The following THSD4 variants were observed in gnomAD, a reference collection of about 807,000 sequenced individuals.
THSD4 encodes the protein thrombospondin type 1 domain containing 4, also known as thrombospondin type-1 domain-containing protein 4.
In THSD4, 69 loss-of-function variants were observed where a neutral mutation model predicts 119.0. The observed-to-expected ratio is 0.58, with a 90% CI of 0.48 to 0.71. THSD4 has a LOEUF of 0.71. Among genes scored for constraint, THSD4 ranks in the 30% least tolerant of loss-of-function variants. The pLI is 0.00. For missense variants in THSD4, 1,393 were observed against 1,391.1 expected (o/e 1.00, Z -0.02); for synonymous variants, 524 against 540.4 (o/e 0.97, Z 0.42).
At chr15:71,507,908 ATCT>A (rs1185877657) in intron 7 of THSD4, among the ~76,000 whole-genome samples, 1 of 152,194 alleles carries the variant, frequency 6.6e-6, no homozygotes, top group Non-Finnish European at 1.5e-5. Flanking sequence ...CTCCAGTTAG[ATCT>A]TCTAATAACT....
chr15:71,562,147 C>G (rs1413755712), intron 7 of THSD4, among the ~76,000 whole-genome samples: 1 of 152,188 alleles, frequency 6.6e-6, no homozygotes, highest in African/African-American at 2.4e-5. Context: ...ACAAAATAAT[C>G]TTCACACACC....
Position 71,419,093 on chromosome 15 carries a change from T to C in THSD4, c.1152+7270T>C, listed in dbSNP as rs2140513373. 1.8e-5 allele frequency among the ~76,000 whole-genome samples: 2 copies of C among 109,106 alleles called. 1 individual carries two copies. Among genetic ancestry groups the C allele is most frequent in the Admixed American group, 2.4e-4 (2 of 8,484 alleles). 71.6% of individuals were successfully genotyped at this position (109,106 alleles called of 152,430 possible). ...AGTCTGGGTAAAGGTTTGTCCATTTTATCTTTTCAAAAACCAACTTATCAT... is the reference window on the plus strand; with the variant it reads ...AGTCTGGGTAAAGGTTTGTCCATTTCATCTTTTCAAAAACCAACTTATCAT... On this transcript the variant is annotated intron_variant, in intron 7 of 17. Coordinates refer to ENST00000261862, the MANE Select transcript of THSD4 (RefSeq NM_024817.3).
At chr15:71,114,032 T>C (rs546529392), upstream of THSD4, among the ~76,000 whole-genome samples, 4 of 152,170 alleles carry the variant, frequency 2.6e-5, no homozygotes, top group African/African-American at 9.7e-5. Flanking sequence ...AGAATTAATC[T>C]AATCCCATTT....
intron 6 of THSD4, among the ~76,000 whole-genome samples, chr15:71,332,782 C>T (rs553361488): frequency 6.6e-6 from 1 of 151,930 alleles, no homozygotes; most frequent in South Asian, 2.1e-4. Flanking sequence ...TCATTAACTG[C>T]AAGCTGAGCC....
chr15:71,686,051 A>G (rs773119457), intron 8 of THSD4, among the ~76,000 whole-genome samples: 12 of 152,194 alleles, frequency 7.9e-5, no homozygotes, highest in Non-Finnish European at 1.6e-4. Context: ...AGCTTCCCCT[A>G]ATAAGAAATT....
chr15:71,671,843 A>G (rs1229522728), intron 8 of THSD4, among the ~76,000 whole-genome samples: 3 of 152,086 alleles, frequency 2.0e-5, no homozygotes, highest in Non-Finnish European at 4.4e-5. Flanking sequence ...ATTGGTTTAT[A>G]TCTCTGTTTT....
intron 8 of THSD4, among the ~76,000 whole-genome samples, chr15:71,680,672 G>T (rs969604805): frequency 6.6e-6 from 1 of 152,198 alleles, no homozygotes; most frequent in Admixed American, 6.5e-5. Flanking sequence ...AAACATTTCA[G>T]TATGAGCAGA....
At position 71,359,425 on chromosome 15, in the gene THSD4, G is replaced by A. The variant is rs140979520; in HGVS notation, c.1016-52262G>A. Among the ~76,000 whole-genome samples, 232 of 152,224 alleles carry A rather than the reference G, an allele frequency of 1.5e-3. 2 individuals are homozygous for A. The highest frequency in any genetic ancestry group is 5.3e-3 in the African/African-American group (220 of 41,522). On this transcript the variant is annotated intron_variant, in intron 6 of 17. Transcript: ENST00000261862. ...ACCCTGGTAGGTAGAAGCTGTATTC[G>A]TACCATTTTACAGATGAGCAAACTG... is the stretch of plus-strand genomic sequence containing the variant.
At chr15:71,688,216 G>T (rs2141044589) in intron 8 of THSD4, among the ~76,000 whole-genome samples, 1 of 152,322 alleles carries the variant, frequency 6.6e-6, no homozygotes, top group East Asian at 1.9e-4. Context: ...TTACAAGCCA[G>T]TCTTCTGTCT....
At chr15:71,576,934 T>C (rs2049458179) in intron 7 of THSD4, among the ~76,000 whole-genome samples, 1 of 152,196 alleles carries the variant, frequency 6.6e-6, no homozygotes, top group South Asian at 2.1e-4. Context: ...TTATAATGTC[T>C]TTTATTCAGA....
intron 7 of THSD4, among the ~76,000 whole-genome samples, chr15:71,638,510 A>G (rs898679031): frequency 1.4e-4 from 22 of 152,332 alleles, no homozygotes; most frequent in African/African-American, 5.3e-4. Context: ...GTAGCATTCT[A>G]TGTCTATGAA....
At chr15:71,395,954 A>ACACACACACAC (rs1566968379) in intron 6 of THSD4, among the ~76,000 whole-genome samples, 11 of 108,562 alleles carry the variant, frequency 1.0e-4, no homozygotes, top group African/African-American at 2.0e-4. Flanking sequence ...CACACACACA[A>ACACACACACAC]ACACAGACTT....
intron 6 of THSD4, among the ~76,000 whole-genome samples, chr15:71,353,158 CAT>C (rs2045765386): frequency 6.6e-6 from 1 of 152,172 alleles, no homozygotes; most frequent in Admixed American, 6.5e-5. Flanking sequence ...CATCAACAGA[CAT>C]TGACACATGA....
intron 7 of THSD4, among the ~76,000 whole-genome samples, chr15:71,579,261 A>G (rs1011333057): frequency 8.5e-5 from 13 of 152,246 alleles, no homozygotes; most frequent in Non-Finnish European, 1.5e-4. Context: ...TCTCCATAAC[A>G]GCTGGCTCTT....
At chr15:71,151,228 C>T (rs889198267) in intron 2 of THSD4, among the ~76,000 whole-genome samples, 2 of 152,138 alleles carry the variant, frequency 1.3e-5, no homozygotes, top group African/African-American at 4.8e-5. Context: ...GATGTGATCT[C>T]ACTCCCTTTC....
intron 7 of THSD4, among the ~76,000 whole-genome samples, chr15:71,581,829 C>T (rs1032161596): frequency 3.9e-5 from 6 of 152,054 alleles, no homozygotes; most frequent in African/African-American, 1.4e-4. Context: ...TGACTGTAAA[C>T]GTGTGGGTTT....
intron 1 of THSD4, among the ~76,000 whole-genome samples, chr15:71,103,121 G>A (rs1464154534): frequency 1.3e-5 from 2 of 151,018 alleles, no homozygotes; most frequent in Non-Finnish European, 2.9e-5. Flanking sequence ...AGGACCCCAG[G>A]TCTGACTTAA....
At chr15:71,631,050 G>A (rs552736256) in intron 7 of THSD4, among the ~76,000 whole-genome samples, 14 of 152,260 alleles carry the variant, frequency 9.2e-5, no homozygotes, top group African/African-American at 3.4e-4. Flanking sequence ...GTGTCTCCTG[G>A]GGAGGGCAAG....
At chr15:71,387,254 G>C (rs1453477344) in intron 6 of THSD4, among the ~76,000 whole-genome samples, 1 of 151,702 alleles carries the variant, frequency 6.6e-6, no homozygotes, top group African/African-American at 2.4e-5. Flanking sequence ...CTTTTTGACT[G>C]ACATTGTTGT....
Sources: gnomAD v4.1 joint callset for allele counts (sites outside exome capture counted in the v4.1 genomes callset) on GRCh38, gnomAD v4.1.1 for gene constraint, MANE v1.5 for transcripts, NCBI Gene and HGNC (gene_info 2026-07-23, HGNC 2026-07-21) for gene names.